The following PAMR1 variants were observed in gnomAD, a reference collection of about 807,000 sequenced individuals.
The protein encoded by PAMR1 is peptidase domain containing associated with muscle regeneration 1.
PAMR1 carries 88 observed loss-of-function variants against 81.8 expected under a neutral mutation model. The ratio of observed to expected loss-of-function variants is 1.08; its 90% confidence interval spans 0.91 to 1.28. The LOEUF is 1.28. Among genes scored for constraint, PAMR1 ranks in the 50% most tolerant of loss-of-function variants. The pLI is 0.00. For missense variants in PAMR1, 935 were observed against 919.7 expected, an observed-to-expected ratio of 1.02 and a Z score of -0.21; for synonymous variants, 336 against 345.3, an observed-to-expected ratio of 0.97 and a Z score of 0.30.
chr11:35,436,189 T>C, intron 8 of PAMR1, 54 bp from the exon 9 acceptor site: 1 of 1,181,380 alleles, frequency 8.5e-7, no homozygotes, highest in South Asian at 1.2e-5. Context: ...AAAGTCACTG[T>C]GGCCTCTTTA....
At chr11:35,459,018 T>TC (rs1316140529) in intron 6 of PAMR1, among the ~76,000 whole-genome samples, 2 of 152,164 alleles carry the variant, frequency 1.3e-5, no homozygotes. Flanking sequence ...ATGGAATTCT[T>TC]CCCCCCTGAT....
chr11:35,476,615 T>G (rs1850289530), intron 3 of PAMR1, among the ~76,000 whole-genome samples: 1 of 152,168 alleles, frequency 6.6e-6, no homozygotes, highest in Non-Finnish European at 1.5e-5. Flanking sequence ...TCTCAGATAT[T>G]TCTACATAGC....
intron 1 of PAMR1, among the ~76,000 whole-genome samples, chr11:35,506,403 G>A (rs959396491): frequency 4.3e-5 from 6 of 139,470 alleles, no homozygotes; most frequent in African/African-American, 1.6e-4. Context: ...AATTTTTTTT[G>A]CATGTTAGTG....
chr11:35,477,087 T>G (rs1850298444), intron 3 of PAMR1, among the ~76,000 whole-genome samples: 1 of 152,200 alleles, frequency 6.6e-6, no homozygotes, highest in South Asian at 2.1e-4. Flanking sequence ...GAGGCCTTCC[T>G]TGCTATCCAG....
chr11:35,441,044 T>C (rs1414070954), intron 7 of PAMR1, among the ~76,000 whole-genome samples: 1 of 152,208 alleles, frequency 6.6e-6, no homozygotes, highest in Non-Finnish European at 1.5e-5. Flanking sequence ...CATCTTAACA[T>C]CTTCAATCCT....
intron 6 of PAMR1, among the ~76,000 whole-genome samples, chr11:35,447,572 A>G (rs993702511): frequency 6.6e-6 from 1 of 152,104 alleles, no homozygotes; most frequent in Non-Finnish European, 1.5e-5. Context: ...AACACAGCAC[A>G]CCAATGGGTC....
At position 35,479,335 on chromosome 11, in the gene PAMR1, A is replaced by G. The variant is rs148406604; in HGVS notation, c.380-4591T>C. ...TTGTGTGACTCTAAAAAAGGCCACTATATTTTCTGAGCCAAGGTCTCTCAT... is the reference window on the plus strand; with the variant it reads ...TTGTGTGACTCTAAAAAAGGCCACTGTATTTTCTGAGCCAAGGTCTCTCAT... On this transcript the variant is annotated intron_variant, in intron 3 of 10. Transcript: ENST00000619888. Among the ~76,000 whole-genome samples, 6 of 152,316 alleles carry G rather than the reference A, an allele frequency of 3.9e-5. No homozygotes were observed. The East Asian group carries it at 7.7e-4, about 20-fold the overall frequency.
At position 35,470,584 on chromosome 11, in the gene PAMR1, G is replaced by T; in HGVS notation, c.712+17C>A. 6.3e-7 allele frequency: 1 copy of T among 1,595,762 alleles called. No individual in the cohort carries two copies. Among genetic ancestry groups the T allele is most frequent in the Non-Finnish European group, 8.6e-7 (1 of 1,163,316 alleles). ...GAGCAAGCCATAAAATGCCACATTT[G>T]TCTCCTTGGCCTTTACCTGTGATCT... is the stretch of plus-strand genomic sequence containing the variant. On this transcript the variant is annotated intron_variant, in intron 5 of 10. Transcript: ENST00000619888.
intron 1 of PAMR1, among the ~76,000 whole-genome samples, chr11:35,506,424 G>A (rs6484790): frequency 6.4e-5 from 3 of 47,136 alleles, no homozygotes; most frequent in African/African-American, 2.4e-4. Flanking sequence ...TTTTTTTTTT[G>A]TTTTTTGGTG....
chr11:35,435,893 C>T lies in PAMR1; in HGVS notation c.1333+10G>A, dbSNP rs759669866. 94 of 1,598,282 alleles carry T rather than the reference C, an allele frequency of 5.9e-5. 1 individual carries two copies. The highest frequency in any genetic ancestry group is 5.6e-4 in the South Asian group (51 of 90,796). On this transcript the variant is annotated intron_variant, in intron 9 of 10. Transcript: ENST00000619888. ...AGCATGCTCAAGCCCAAGAATGAGC[C>T]TTGACTCACTAGGGATGCAGGATGG...
At position 35,470,624 on chromosome 11, in the gene PAMR1, T is replaced by G. The variant is rs1364736617; in HGVS notation, c.689A>C (p.His230Pro). Residue 230 changes from histidine (H) to proline (P), a missense_variant, in exon 5 of 11, where the codon CAT (histidine) becomes CCT (proline). By Grantham distance (77) the His-to-Pro change is moderately conservative. Transcript: ENST00000619888. Reference sequence around the variant, plus strand: ...ACCTGTGATCTCCTCATAAATGGCATGGAAACCGTCAAAATTCTTGGAGCC... The same window carrying G: ...ACCTGTGATCTCCTCATAAATGGCAGGGAAACCGTCAAAATTCTTGGAGCC... ...SDGSKNFDGFHAIYEEITACS... is the reference protein window; with the variant it reads ...SDGSKNFDGFPAIYEEITACS... The G allele has an allele frequency of 5.6e-6, 9 of 1,614,154 alleles. No individual in the cohort carries two copies. The highest frequency in any genetic ancestry group is 5.9e-6 in the Non-Finnish European group (7 of 1,180,000).
intron 6 of PAMR1, among the ~76,000 whole-genome samples, chr11:35,448,532 G>T (rs1416703401): frequency 6.6e-6 from 1 of 152,140 alleles, no homozygotes; most frequent in Non-Finnish European, 1.5e-5. Context: ...CTGGTTAACA[G>T]CTCCTGTAGT....
chr11:35,481,974 A>G (rs1850403414), intron 3 of PAMR1, among the ~76,000 whole-genome samples: 1 of 152,040 alleles, frequency 6.6e-6, no homozygotes, highest in African/African-American at 2.4e-5. Flanking sequence ...ATTTTCTCCA[A>G]TTCTGTAGGT....
chr11:35,454,670 C>G (rs575713518), intron 6 of PAMR1, among the ~76,000 whole-genome samples: 1 of 152,174 alleles, frequency 6.6e-6, no homozygotes. Flanking sequence ...CAGTCTCACT[C>G]CTGGAGGGGA....
intron 1 of PAMR1, among the ~76,000 whole-genome samples, chr11:35,524,511 C>T (rs114369033): frequency 0.01 from 1,572 of 152,234 alleles, 20 homozygotes; most frequent in African/African-American, 0.036. Context: ...CTACTTGCAG[C>T]GGCAGAGCAC....
intron 1 of PAMR1, among the ~76,000 whole-genome samples, chr11:35,516,844 C>T (rs1851173040): frequency 6.6e-6 from 1 of 151,952 alleles, no homozygotes; most frequent in African/African-American, 2.4e-5. Context: ...GTTTGGTAGT[C>T]GATGATGATC....
At chr11:35,451,453 A>T (rs1856417260) in intron 6 of PAMR1, among the ~76,000 whole-genome samples, 1 of 152,260 alleles carries the variant, frequency 6.6e-6, no homozygotes, top group Non-Finnish European at 1.5e-5. Flanking sequence ...TTCTGAAATC[A>T]AATCACATGT....
At chr11:35,503,378 A>G (rs541812342) in intron 1 of PAMR1, among the ~76,000 whole-genome samples, 22 of 151,680 alleles carry the variant, frequency 1.5e-4, no homozygotes, top group Non-Finnish European at 2.9e-4. Context: ...TATTTCTGTG[A>G]AGAATGTAAT....
At position 35,434,567 on chromosome 11, in the gene PAMR1, A is replaced by C; in HGVS notation, c.1571T>G (p.Leu524Trp). 5 of 1,614,030 alleles carry C rather than the reference A, an allele frequency of 3.1e-6. No homozygotes were observed. The highest frequency in any genetic ancestry group is 3.4e-6 in the Non-Finnish European group (4 of 1,180,014). Reference sequence around the variant, plus strand: ...GTCATCATCCCGGTAGAATTTCCCCAAAACAACTTTCAGGTCTGCTGTCTT... The same window carrying C: ...GTCATCATCCCGGTAGAATTTCCCCCAAACAACTTTCAGGTCTGCTGTCTT... ...MIKTADLKVV[L>W]GKFYRDDDRD... Residue 524 changes from leucine to tryptophan, a missense_variant, in exon 10 of 11, where the codon TTG becomes TGG. Coordinates refer to ENST00000619888, the MANE Select transcript of PAMR1 (RefSeq NM_001001991.3).
Sources: gnomAD v4.1 joint callset for allele counts (sites outside exome capture counted in the v4.1 genomes callset) on GRCh38, gnomAD v4.1.1 for gene constraint, MANE v1.5 for transcripts, NCBI Gene and HGNC (gene_info 2026-07-23, HGNC 2026-07-21) for gene names.